Variants in TYW1B observed in about 807,000 individuals in gnomAD.
TYW1B encodes S-adenosyl-L-methionine-dependent tRNA 4-demethylwyosine synthase TYW1B.
Under a neutral mutation model 86.9 loss-of-function variants are expected in TYW1B, and 73 were observed. That is an observed-to-expected ratio of 0.84 (90% CI 0.70 to 1.02). TYW1B has a LOEUF of 1.02. TYW1B is among the 50% of genes least tolerant of loss of function. TYW1B has a pLI of 0.00. For missense variants in TYW1B, 637 were observed against 827.4 expected (o/e 0.77, Z 2.82); for synonymous variants, 248 against 292.8 (o/e 0.85, Z 1.56).
At chr7:72,575,959 G>A (rs1442408438) in intron 13 of TYW1B, among the ~76,000 whole-genome samples, 1 of 152,182 alleles carries the variant, frequency 6.6e-6, no homozygotes, top group Admixed American at 6.5e-5. Context: ...TGCTGGGCCC[G>A]GAAGACAAGT....
intron 8 of TYW1B, among the ~76,000 whole-genome samples, chr7:72,739,217 A>T (rs1217236950): frequency 6.6e-6 from 1 of 152,182 alleles, no homozygotes; most frequent in Non-Finnish European, 1.5e-5. Flanking sequence ...ATGGAATATG[A>T]TTATCCATAT....
chr7:72,643,836 T>A (rs1302715570), intron 11 of TYW1B, among the ~76,000 whole-genome samples: 1 of 152,138 alleles, frequency 6.6e-6, no homozygotes, highest in African/African-American at 2.4e-5. Context: ...GGTGTTTGAT[T>A]TGAAATACTA....
chr7:72,598,313 C>G (rs1198850749), intron 13 of TYW1B, among the ~76,000 whole-genome samples: 2 of 152,078 alleles, frequency 1.3e-5, no homozygotes, highest in Non-Finnish European at 2.9e-5. Flanking sequence ...TACTGGCTCT[C>G]CTTGCTCCTC....
chr7:72,685,803 G>T (rs1813995343), intron 11 of TYW1B, among the ~76,000 whole-genome samples: 1 of 152,126 alleles, frequency 6.6e-6, no homozygotes, highest in Admixed American at 6.6e-5. Flanking sequence ...GAAAAATTTA[G>T]TAAGTATTAA....
At position 72,728,886 on chromosome 7, in the gene TYW1B, G is replaced by T. The variant is rs181240185; in HGVS notation, c.1128C>A (p.Asp376Glu). Reference sequence around the variant, plus strand: ...CTTCCTTCAAGATCATTTCAGGCTGGTCCATCTTCCACAACCATTCAGTGC... The same window carrying T: ...CTTCCTTCAAGATCATTTCAGGCTGTTCCATCTTCCACAACCATTCAGTGC... ...PVGTEWLWKM[D>E]QPEMILKEAI... The change falls in exon 9 of 14, where the codon GAC becomes GAA. Residue 376 changes from aspartate (D) to glutamate (E), a missense_variant. Asp to Glu is a conservative substitution (Grantham distance 45, BLOSUM62 2). Coordinates refer to ENST00000620995, the MANE Select transcript of TYW1B (RefSeq NM_001145440.3). 0.011 allele frequency: 17,669 copies of T among 1,613,666 alleles called. 145 individuals are homozygous for T. Among genetic ancestry groups the T allele is most frequent in the Non-Finnish European group, 0.013 (15,901 of 1,179,662 alleles).
intron 10 of TYW1B, among the ~76,000 whole-genome samples, chr7:72,704,296 T>C (rs1366505688): frequency 6.6e-6 from 1 of 151,734 alleles, no homozygotes; most frequent in African/African-American, 2.4e-5. Context: ...TAGCTGGGCA[T>C]GGTGGTGCAT....
At chr7:72,793,702 C>T (rs1788258422) in intron 6 of TYW1B, among the ~76,000 whole-genome samples, 1 of 151,454 alleles carries the variant, frequency 6.6e-6, no homozygotes, top group Non-Finnish European at 1.5e-5. Flanking sequence ...TCGTATTGAG[C>T]CAAGATCACA....
chr7:72,607,858 G>A (rs1563028151), intron 13 of TYW1B, among the ~76,000 whole-genome samples: 1 of 152,176 alleles, frequency 6.6e-6, no homozygotes, highest in African/African-American at 2.4e-5. Context: ...AGCTGAGCAT[G>A]CCTCCAAAAC....
At chr7:72,698,427 C>T (rs1814376138) in intron 10 of TYW1B, among the ~76,000 whole-genome samples, 1 of 151,988 alleles carries the variant, frequency 6.6e-6, no homozygotes, top group Non-Finnish European at 1.5e-5. Flanking sequence ...GGAGGATCAC[C>T]TGAGGTCAGG....
chr7:72,757,057 A>T (rs1554466297), intron 7 of TYW1B, among the ~76,000 whole-genome samples: 1 of 152,116 alleles, frequency 6.6e-6, no homozygotes. Flanking sequence ...ACGTATCTCC[A>T]TGCGAAAATA....
intron 5 of TYW1B, among the ~76,000 whole-genome samples, chr7:72,803,569 T>C (rs1304606366): frequency 6.6e-6 from 1 of 152,164 alleles, no homozygotes; most frequent in African/African-American, 2.4e-5. Context: ...CCTTCATCCC[T>C]TTCTCCAATG....
At chr7:72,601,910 A>G (rs1585838738) in intron 13 of TYW1B, among the ~76,000 whole-genome samples, 1 of 152,192 alleles carries the variant, frequency 6.6e-6, no homozygotes, top group East Asian at 1.9e-4. Flanking sequence ...AGGAGGGACG[A>G]AAAGAGGAAG....
At chr7:72,644,186 T>C (rs1554441779) in intron 11 of TYW1B, among the ~76,000 whole-genome samples, 2 of 152,194 alleles carry the variant, frequency 1.3e-5, no homozygotes, top group Admixed American at 6.5e-5. Context: ...CCAATAGCCA[T>C]TGATAATAGA....
In TYW1B at chr7:72,744,891, T is replaced by G. The variant is rs115055687; in HGVS notation, c.965-290A>C. On this transcript the variant is annotated intron_variant, in intron 7 of 13. Coordinates refer to ENST00000620995, the MANE Select transcript of TYW1B (RefSeq NM_001145440.3). ...TCCATCAGACTCCTTCAAATAATATTAGTACAATAGTATATAATGCTAGGA... is the reference window on the plus strand; with the variant it reads ...TCCATCAGACTCCTTCAAATAATATGAGTACAATAGTATATAATGCTAGGA... Among the ~76,000 whole-genome samples, 639 of 152,304 alleles carry G rather than the reference T, an allele frequency of 4.2e-3. 3 individuals are homozygous for G. Among genetic ancestry groups the G allele is most frequent in the African/African-American group, 0.015 (606 of 41,578 alleles).
chr7:72,643,000 T>C (rs569771508), intron 11 of TYW1B, among the ~76,000 whole-genome samples: 1 of 152,288 alleles, frequency 6.6e-6, no homozygotes, highest in Admixed American at 6.5e-5. Flanking sequence ...AGTTCTGAAA[T>C]TAAATAATCC....
intron 11 of TYW1B, among the ~76,000 whole-genome samples, chr7:72,692,205 C>CAAAAAAAAAA (rs1168197742): frequency 1.6e-5 from 1 of 62,810 alleles, no homozygotes; most frequent in Non-Finnish European, 2.9e-5. Context: ...GACTCCATCT[C>CAAAAAAAAAA]AAAAAAAAAA....
In TYW1B at chr7:72,811,936, GGAAAA is replaced by G. The variant is rs1475646139; in HGVS notation, c.238-1276_238-1272del. On this transcript the variant is annotated intron_variant, in intron 3 of 13. Transcript: ENST00000620995. ...CTCCATCTCAAAAAAAAAAAAAAAA[GGAAAA>G]GAAAAGAAAAAATACAGAGAGATCT... Among the ~76,000 whole-genome samples the G allele has an allele frequency of 1.1e-3, 145 of 126,354 alleles. 1 individual carries two copies. The Middle Eastern group carries it at 0.012, about 11-fold the overall frequency. The allele number at this position is 126,354 out of a possible 152,430, so 82.9% of individuals were successfully genotyped here. A position where few individuals can be genotyped will look rare whatever the true frequency, so the allele number is the denominator to read the frequency against.
intron 7 of TYW1B, among the ~76,000 whole-genome samples, chr7:72,758,558 T>C (rs1291514079): frequency 6.6e-6 from 1 of 152,122 alleles, no homozygotes; most frequent in Non-Finnish European, 1.5e-5. Context: ...TTGCTGATTC[T>C]TGGCACCACT....
rs566357309 is a variant in TYW1B at position 72,670,865 on chromosome 7, G to A, written c.1506+23822C>T. On this transcript the variant is annotated intron_variant, in intron 11 of 13. Transcript: ENST00000620995. ...TCTAAGACTTGGAAAATTATTTTGC[G>A]TGTTGGTTAGAATATTTAGGGAAAA... Among the ~76,000 whole-genome samples, 238 of 152,232 alleles carry A rather than the reference G, an allele frequency of 1.6e-3. 3 individuals are homozygous for A. Among genetic ancestry groups the A allele is most frequent in the African/African-American group, 5.6e-3 (231 of 41,524 alleles).
Sources: gnomAD v4.1 joint callset for allele counts (sites outside exome capture counted in the v4.1 genomes callset) on GRCh38, gnomAD v4.1.1 for gene constraint, MANE v1.5 for transcripts, NCBI Gene and HGNC (gene_info 2026-07-23, HGNC 2026-07-21) for gene names.